Variants in SPATA16 observed in about 807,000 individuals in gnomAD.
SPATA16 encodes the protein spermatogenesis associated 16, also known as spermatogenesis-associated protein 16.
A neutral mutation model predicts 63.3 loss-of-function variants in SPATA16; 36 were observed. That is an observed-to-expected ratio of 0.57 (90% confidence interval 0.44 to 0.75). The LOEUF (loss-of-function observed/expected upper bound fraction) is 0.75, where lower values mean the gene tolerates loss of function less well. Ranked by LOEUF, SPATA16 falls within the 30% of genes least tolerant of loss-of-function variation. The pLI is 0.00. For missense variants in SPATA16, 646 were observed against 679.3 expected (o/e 0.95, Z 0.54); for synonymous variants, 203 against 216.7 (o/e 0.94, Z 0.56).
chr3:172,924,378 T>A, intron 7 of SPATA16, 61 bp from the exon 8 acceptor site: 1 of 1,356,006 alleles, frequency 7.4e-7, no homozygotes, highest in Non-Finnish European at 1.0e-6. Flanking sequence ...TCAAAATATT[T>A]TCTTTAGCAA....
At chr3:173,111,839 A>G (rs1737756965) in intron 2 of SPATA16, among the ~76,000 whole-genome samples, 1 of 152,208 alleles carries the variant, frequency 6.6e-6, no homozygotes, top group Non-Finnish European at 1.5e-5. Context: ...ATTTACCATA[A>G]AGAATGTGTT....
chr3:173,088,027 TTTCTTTC>T (rs1737111228), intron 2 of SPATA16, among the ~76,000 whole-genome samples: 1 of 123,200 alleles, frequency 8.1e-6, no homozygotes, highest in Non-Finnish European at 1.8e-5. Flanking sequence ...TCTTTCTTTC[TTTCTTTC>T]TTTCTTTCTT....
chr3:173,063,531 A>C (rs1198105511), intron 2 of SPATA16, among the ~76,000 whole-genome samples: 1 of 152,192 alleles, frequency 6.6e-6, no homozygotes, highest in Non-Finnish European at 1.5e-5. Context: ...GCCAACGTCT[A>C]TCATGCCAGA....
rs187156651 is a variant in SPATA16 at position 172,955,406 on chromosome 3, A to G, written c.1081+1271T>C. Among the ~76,000 whole-genome samples the G allele has an allele frequency of 2.8e-3, 421 of 152,304 alleles. 3 individuals are homozygous for G. Among genetic ancestry groups the G allele is most frequent in the African/African-American group, 9.4e-3 (390 of 41,566 alleles). ...CCTCCAAAAAATCCTTTAAATATCC[A>G]TAAGAATAATGAATAATTTGTAACA... On this transcript the variant is annotated intron_variant, in intron 6 of 10. Coordinates refer to ENST00000351008, the MANE Select transcript of SPATA16 (RefSeq NM_031955.6).
At chr3:173,062,765 A>T (rs1736412003) in intron 2 of SPATA16, among the ~76,000 whole-genome samples, 1 of 152,116 alleles carries the variant, frequency 6.6e-6, no homozygotes, top group Non-Finnish European at 1.5e-5. Context: ...CCTGGAAGAC[A>T]TTTTTTCCAC....
chr3:172,913,940 A>G (rs140842003), intron 9 of SPATA16, among the ~76,000 whole-genome samples, 196 bp from the exon 10 acceptor site: 8 of 152,306 alleles, frequency 5.3e-5, no homozygotes, highest in South Asian at 2.1e-4. Flanking sequence ...TACTGAAACA[A>G]TGAAAAGATT....
Position 172,977,819 on chromosome 3 carries a change from A to G in SPATA16, c.849-767T>C, listed in dbSNP as rs895053041. Among the ~76,000 whole-genome samples the G allele has an allele frequency of 3.3e-5, 5 of 152,150 alleles. No homozygotes were observed. In the South Asian group the frequency reaches 6.2e-4, roughly 19 times the overall value. On this transcript the variant is annotated intron_variant, in intron 4 of 10. Coordinates refer to ENST00000351008, the MANE Select transcript of SPATA16 (RefSeq NM_031955.6). ...ATTGTCACGTTAGCCAATTAAACAT[A>G]TAATAATCCTGTGTACCTAATCACT...
chr3:172,976,660 C>T (rs1734167072), intron 5 of SPATA16, among the ~76,000 whole-genome samples: 1 of 151,990 alleles, frequency 6.6e-6, no homozygotes, highest in South Asian at 2.1e-4. Flanking sequence ...TATGAAAATA[C>T]AATGTTCATA....
chr3:172,989,309 T>G (rs1432413680), intron 4 of SPATA16, among the ~76,000 whole-genome samples: 1 of 152,202 alleles, frequency 6.6e-6, no homozygotes, highest in Non-Finnish European at 1.5e-5. Context: ...CTCACAAATC[T>G]TTCCATCAAT....
chr3:173,060,125 C>T (rs991944760), intron 2 of SPATA16, among the ~76,000 whole-genome samples: 1 of 151,868 alleles, frequency 6.6e-6, no homozygotes, highest in Non-Finnish European at 1.5e-5. Flanking sequence ...GGCATGGTTG[C>T]GGGCGCCTGT....
intron 3 of SPATA16, among the ~76,000 whole-genome samples, chr3:173,037,009 C>T (rs1007813930): frequency 6.6e-6 from 1 of 151,860 alleles, no homozygotes; most frequent in Non-Finnish European, 1.5e-5. Flanking sequence ...CCTTTGGGAT[C>T]TTTAATAATG....
intron 5 of SPATA16, among the ~76,000 whole-genome samples, chr3:172,971,803 G>T (rs1035530225): frequency 5.9e-5 from 9 of 152,168 alleles, no homozygotes; most frequent in Non-Finnish European, 1.3e-4. Context: ...CATTGTGGGT[G>T]CTATTTTTTG....
chr3:172,914,991 T>A (rs1398008424), intron 9 of SPATA16, among the ~76,000 whole-genome samples: 2 of 152,150 alleles, frequency 1.3e-5, no homozygotes, highest in Non-Finnish European at 2.9e-5. Context: ...GATCAACATT[T>A]TGCCGGCTTC....
At chr3:173,094,356 T>G (rs1274456748) in intron 2 of SPATA16, among the ~76,000 whole-genome samples, 2 of 152,138 alleles carry the variant, frequency 1.3e-5, no homozygotes, top group Non-Finnish European at 2.9e-5. Flanking sequence ...CATGATACTG[T>G]TTATGTAATG....
intron 3 of SPATA16, among the ~76,000 whole-genome samples, chr3:173,028,554 C>T (rs180999555): frequency 2.7e-4 from 41 of 151,506 alleles, no homozygotes; most frequent in African/African-American, 6.3e-4. Context: ...TCACTGATGA[C>T]GTAAGCAAAA....
At chr3:173,028,348 G>T (rs949100931) in intron 3 of SPATA16, among the ~76,000 whole-genome samples, 2 of 151,616 alleles carry the variant, frequency 1.3e-5, no homozygotes, top group East Asian at 1.9e-4. Flanking sequence ...GCATCATTTC[G>T]TAGATTATAA....
intron 9 of SPATA16, among the ~76,000 whole-genome samples, chr3:172,913,984 T>G: frequency 6.6e-6 from 1 of 152,316 alleles, no homozygotes; most frequent in East Asian, 1.9e-4. Context: ...ATATAGGTTT[T>G]AATGTAGTAA....
Position 173,058,655 on chromosome 3 carries a change from T to A in SPATA16, c.613-9561A>T, listed in dbSNP as rs1023119801. Among the ~76,000 whole-genome samples, 8 of 152,108 alleles carry A rather than the reference T, an allele frequency of 5.3e-5. No individual in the cohort carries two copies. The South Asian group carries it at 1.7e-3, about 32-fold the overall frequency. ...ACCTCAAAATCAATTACTAGCTCAG[T>A]CTCCTGTGTTTATCGGCCATGGGTA... is the stretch of plus-strand genomic sequence containing the variant. On this transcript the variant is annotated intron_variant, in intron 2 of 10. Coordinates refer to ENST00000351008, the MANE Select transcript of SPATA16 (RefSeq NM_031955.6).
At chr3:172,915,748 C>A (rs1456723406) in intron 9 of SPATA16, among the ~76,000 whole-genome samples, 1 of 152,104 alleles carries the variant, frequency 6.6e-6, no homozygotes, top group African/African-American at 2.4e-5. Flanking sequence ...GTCTGGTTTT[C>A]TGAATAAACT....
Sources: gnomAD v4.1 joint callset for allele counts (sites outside exome capture counted in the v4.1 genomes callset) on GRCh38, gnomAD v4.1.1 for gene constraint, MANE v1.5 for transcripts, NCBI Gene and HGNC (gene_info 2026-07-23, HGNC 2026-07-21) for gene names.